DCLK1: variants seen among roughly 807,000 people sequenced by gnomAD.
DCLK1 encodes serine/threonine-protein kinase DCLK1.
DCLK1 carries 16 observed loss-of-function variants against 86.2 expected under a neutral mutation model. The observed-to-expected ratio is 0.19, with a 90% CI of 0.13 to 0.28. DCLK1 has a LOEUF of 0.28. Among genes scored for constraint, DCLK1 ranks in the 10% least tolerant of loss-of-function variants. The probability of loss-of-function intolerance (pLI) is 1.00; values close to 1 mark genes in which losing one functional copy is unlikely to be tolerated. For synonymous variants in DCLK1, 369 were observed against 370.5 expected (o/e 1.00, Z 0.05); for missense variants, 590 against 940.2 (o/e 0.63, Z 4.87).
chr13:36,126,306 T>A, intron 1 of DCLK1, 150 bp from the exon 2 acceptor site: 1 of 565,188 alleles, frequency 1.8e-6, no homozygotes, highest in Non-Finnish European at 2.7e-6. Context: ...AAGTACTCAC[T>A]GAAGCCTCAC....
intron 3 of DCLK1, among the ~76,000 whole-genome samples, chr13:35,984,567 G>A (rs1203169166): frequency 2.0e-5 from 3 of 152,182 alleles, no homozygotes; most frequent in South Asian, 4.1e-4. Context: ...TGCCTGAACC[G>A]TCTGCCTCTG....
rs187726444 is a variant in DCLK1 at position 35,848,750 on chromosome 13, T to C, written c.1035+5749A>G. The C allele has an allele frequency of 3.1e-5, 31 of 985,344 alleles. No individual in the cohort carries two copies. In the African/African-American group the frequency reaches 5.1e-4, roughly 16 times the overall value. The allele number at this position is 985,344 out of a possible 1,614,324, so 61.0% of individuals were successfully genotyped here. A position where few individuals can be genotyped will look rare whatever the true frequency, so the allele number is the denominator to read the frequency against. ...GTTCTGGACCATCTGACCCCACCAG[T>C]TTTAAAGTAACTGTTCCACTGCTTT... On this transcript the variant is annotated intron_variant, in intron 6 of 16. Coordinates refer to ENST00000360631, the MANE Select transcript of DCLK1 (RefSeq NM_001330071.2).
chr13:36,015,836 G>T (rs1195638833), intron 3 of DCLK1, among the ~76,000 whole-genome samples: 1 of 152,072 alleles, frequency 6.6e-6, no homozygotes, highest in Non-Finnish European at 1.5e-5. Context: ...GGCCCTCATT[G>T]TATTTATTCA....
intron 3 of DCLK1, among the ~76,000 whole-genome samples, chr13:36,026,794 T>C (rs1308860158): frequency 6.6e-6 from 1 of 152,146 alleles, no homozygotes; most frequent in Non-Finnish European, 1.5e-5. Context: ...AGACACACTC[T>C]TAGTCAACAG....
chr13:35,947,341 A>AC lies in DCLK1; in HGVS notation c.823+16dup. The stretch of plus-strand genomic sequence containing the variant: ...TGCCTCAAATTTCCCCTGGTTTTGA[A>AC]CTTTTTTTTTCCTTACCACTTTCAT... On this transcript the variant is annotated intron_variant, in intron 4 of 16. Transcript: ENST00000360631. 6.2e-7 allele frequency: 1 copy of AC among 1,606,956 alleles called. No individual in the cohort carries two copies. Among genetic ancestry groups the AC allele is most frequent in the Non-Finnish European group, 8.5e-7 (1 of 1,174,130 alleles).
intron 3 of DCLK1, among the ~76,000 whole-genome samples, chr13:35,994,431 T>C (rs1246704003): frequency 6.6e-6 from 1 of 152,234 alleles, no homozygotes; most frequent in Non-Finnish European, 1.5e-5. Flanking sequence ...CATGTTCAGC[T>C]GACCTCAAAC....
intron 10 of DCLK1, among the ~76,000 whole-genome samples, chr13:35,823,761 G>A (rs965871240): frequency 3.3e-5 from 5 of 152,148 alleles, no homozygotes; most frequent in Non-Finnish European, 5.9e-5. Context: ...GTGATCATCT[G>A]TTACCTAATG....
chr13:35,953,199 G>A (rs976180378), intron 3 of DCLK1, among the ~76,000 whole-genome samples: 3 of 152,036 alleles, frequency 2.0e-5, no homozygotes, highest in African/African-American at 7.2e-5. Flanking sequence ...TAATTTATTG[G>A]TATTAGTATC....
chr13:35,841,571 A>G (rs1214328693), intron 6 of DCLK1, among the ~76,000 whole-genome samples: 2 of 152,078 alleles, frequency 1.3e-5, no homozygotes, highest in Non-Finnish European at 2.9e-5. Flanking sequence ...GCTTATGTTT[A>G]TAACTGCTTA....
At chr13:35,814,960 A>G (rs1404873824) in intron 11 of DCLK1, among the ~76,000 whole-genome samples, 1 of 152,230 alleles carries the variant, frequency 6.6e-6, no homozygotes, top group Non-Finnish European at 1.5e-5. Context: ...TTATATGGCT[A>G]TAAAGACATC....
intron 4 of DCLK1, among the ~76,000 whole-genome samples, chr13:35,902,025 G>T (rs1258662239): frequency 6.6e-6 from 1 of 152,092 alleles, no homozygotes; most frequent in Admixed American, 6.6e-5. Context: ...ACTTTGAAGG[G>T]TAATGTATGT....
chr13:35,900,242 C>CT (rs71081294), intron 4 of DCLK1, among the ~76,000 whole-genome samples: 90,342 of 141,774 alleles, frequency 0.64, 28,952 homozygotes, highest in Non-Finnish European at 0.68. Flanking sequence ...ACTAAATAAA[C>CT]TTTTTTTTTT....
chr13:36,073,308 A>C (rs1011522278), intron 3 of DCLK1, among the ~76,000 whole-genome samples: 3 of 152,166 alleles, frequency 2.0e-5, no homozygotes, highest in Non-Finnish European at 4.4e-5. Flanking sequence ...GCCTTTTTAG[A>C]AAACAGATAC....
At chr13:36,045,332 GTATATATATATATATATATATATATATA>G (rs1174545505) in intron 3 of DCLK1, among the ~76,000 whole-genome samples, 7 of 55,778 alleles carry the variant, frequency 1.3e-4, no homozygotes, top group South Asian at 2.0e-3. Flanking sequence ...GTGTGTGTGT[GTATATATATATATATATATATATATATA>G]TATATATATA....
At chr13:35,862,074 C>A (rs1871441352) in intron 5 of DCLK1, among the ~76,000 whole-genome samples, 1 of 151,758 alleles carries the variant, frequency 6.6e-6, no homozygotes, top group South Asian at 2.1e-4. Flanking sequence ...AGACTTCCCT[C>A]CCCCATGCAT....
intron 11 of DCLK1, among the ~76,000 whole-genome samples, chr13:35,814,819 T>C (rs372833497): frequency 2.0e-5 from 3 of 152,344 alleles, no homozygotes; most frequent in East Asian, 3.9e-4. Context: ...ACAACACTAA[T>C]TGAATGCAGC....
chr13:35,863,331 T>G (rs935381143), intron 5 of DCLK1, among the ~76,000 whole-genome samples: 11 of 152,232 alleles, frequency 7.2e-5, no homozygotes, highest in Admixed American at 6.5e-4. Flanking sequence ...CCTTGGGACC[T>G]AATGCATGTC....
At chr13:35,801,488 T>C (rs1490478340) in intron 15 of DCLK1, among the ~76,000 whole-genome samples, 1 of 141,270 alleles carries the variant, frequency 7.1e-6, no homozygotes, top group Non-Finnish European at 1.5e-5. Flanking sequence ...TAAGTCTGTT[T>C]GAATTACAGA....
intron 3 of DCLK1, among the ~76,000 whole-genome samples, chr13:36,010,045 G>A (rs1484919278): frequency 2.7e-4 from 11 of 40,994 alleles, no homozygotes; most frequent in Admixed American, 5.7e-4. Context: ...TTGGTGTATA[G>A]GAATGCTTGT....
Sources: allele counts gnomAD v4.1 joint callset (sites outside exome capture counted in the v4.1 genomes callset), GRCh38; gene constraint gnomAD v4.1.1; transcripts MANE v1.5; gene names NCBI Gene and HGNC (gene_info 2026-07-23, HGNC 2026-07-21).